PTPRD: variants seen among roughly 807,000 people sequenced by gnomAD.
PTPRD encodes receptor-type tyrosine-protein phosphatase delta.
In PTPRD, 34 loss-of-function variants were observed where a neutral mutation model predicts 214.5. The ratio of observed to expected loss-of-function variants is 0.16; its 90% CI spans 0.12 to 0.21. The LOEUF is 0.21. Ranked by LOEUF, PTPRD falls within the 10% of genes least tolerant of loss-of-function variation. The pLI, the probability that PTPRD is intolerant of heterozygous loss-of-function variation, is 1.00. For synonymous variants in PTPRD, 1,128 were observed against 845.7 expected, an observed-to-expected ratio of 1.33 and a Z score of -5.79; for missense variants, 2,545 against 2,398.7, an observed-to-expected ratio of 1.06 and a Z score of -1.27.
chr9:10,229,974 T>C (rs2099603161), intron 3 of PTPRD, among the ~76,000 whole-genome samples: 2 of 152,052 alleles, frequency 1.3e-5, no homozygotes, highest in African/African-American at 2.4e-5. Context: ...CACTCGTATA[T>C]ATTTTGGGAT....
At chr9:8,420,258 A>G (rs565444460) in intron 35 of PTPRD, among the ~76,000 whole-genome samples, 5 of 152,212 alleles carry the variant, frequency 3.3e-5, no homozygotes, top group African/African-American at 9.6e-5. Context: ...TACCTGGCAC[A>G]TTGTAAGAGC....
At chr9:9,773,109 G>C (rs181415003) in intron 5 of PTPRD, among the ~76,000 whole-genome samples, 17 of 152,182 alleles carry the variant, frequency 1.1e-4, no homozygotes, top group Admixed American at 1.0e-3. Context: ...GAATTTTATG[G>C]TTTTAGATGA....
At chr9:10,356,321 T>C (rs1195447004) in intron 2 of PTPRD, among the ~76,000 whole-genome samples, 2 of 152,288 alleles carry the variant, frequency 1.3e-5, no homozygotes, top group East Asian at 3.9e-4. Flanking sequence ...GTCAATCTGA[T>C]GACTTTACCA....
chr9:8,551,675 GT>G (rs2082149574), intron 14 of PTPRD, among the ~76,000 whole-genome samples: 1 of 152,148 alleles, frequency 6.6e-6, no homozygotes, highest in Non-Finnish European at 1.5e-5. Context: ...CCATTAATTA[GT>G]TTTAACTGGA....
chr9:9,528,016 C>G (rs2074540931), intron 8 of PTPRD, among the ~76,000 whole-genome samples: 1 of 152,108 alleles, frequency 6.6e-6, no homozygotes, highest in South Asian at 2.1e-4. Flanking sequence ...TCAATTATAC[C>G]AAATAATTGC....
At chr9:9,756,096 T>C (rs1404307880) in intron 6 of PTPRD, among the ~76,000 whole-genome samples, 5 of 152,052 alleles carry the variant, frequency 3.3e-5, no homozygotes, top group Non-Finnish European at 5.9e-5. Flanking sequence ...ATTGAGGATA[T>C]CTGGAAAACT....
At chr9:8,357,661 C>A (rs185917300) in intron 39 of PTPRD, among the ~76,000 whole-genome samples, 1 of 152,228 alleles carries the variant, frequency 6.6e-6, no homozygotes, top group Admixed American at 6.5e-5. Context: ...ATACTAGGGA[C>A]GCTATATGGT....
chr9:8,735,753 C>T (rs948316351), intron 11 of PTPRD, among the ~76,000 whole-genome samples: 3 of 151,550 alleles, frequency 2.0e-5, no homozygotes, highest in African/African-American at 7.3e-5. Flanking sequence ...CTACTAAAAA[C>T]ACAAAAAAAT....
At chr9:8,532,664 T>A (rs983045935) in intron 14 of PTPRD, among the ~76,000 whole-genome samples, 24 of 152,082 alleles carry the variant, frequency 1.6e-4, no homozygotes, top group African/African-American at 5.6e-4. Flanking sequence ...TCATGCAGAA[T>A]TAGCTACTAA....
intron 11 of PTPRD, among the ~76,000 whole-genome samples, chr9:8,799,587 C>G (rs1270171258): frequency 1.3e-5 from 2 of 152,176 alleles, no homozygotes; most frequent in African/African-American, 4.8e-5. Flanking sequence ...GTTGTTATTT[C>G]TTTCCAGAAA....
rs540532737 is a variant in PTPRD, at chr9:9,570,355, T to C, written c.-237+4377A>G. ...TCCTTCATGCAGGATGTTACTTGTA[T>C]GTCGTTTAACTTCATTTTTCCCCAA... On this transcript the variant is annotated intron_variant, in intron 8 of 45. Transcript: ENST00000381196. Among the ~76,000 whole-genome samples, 302 of 151,670 alleles carry C rather than the reference T, an allele frequency of 2.0e-3. 1 individual carries two copies. Among genetic ancestry groups the C allele is most frequent in the African/African-American group, 6.5e-3 (270 of 41,502 alleles).
At chr9:9,896,790 T>G (rs1566091940) in intron 5 of PTPRD, among the ~76,000 whole-genome samples, 1 of 152,030 alleles carries the variant, frequency 6.6e-6, no homozygotes. Context: ...AATATAAATA[T>G]AATGTAAAAA....
At chr9:9,014,230 G>A (rs114248204) in intron 11 of PTPRD, among the ~76,000 whole-genome samples, 1 of 111,614 alleles carries the variant, frequency 9.0e-6, no homozygotes, top group Admixed American at 9.4e-5. Flanking sequence ...GCATTTATTT[G>A]AGTTTCATGA....
At chr9:9,092,722 TTAA>T (rs1248340601) in intron 10 of PTPRD, among the ~76,000 whole-genome samples, 2 of 152,064 alleles carry the variant, frequency 1.3e-5, no homozygotes, top group Non-Finnish European at 2.9e-5. Context: ...ATATACAAAC[TTAA>T]TAAACATCTA....
chr9:9,482,826 G>C (rs929286081), intron 8 of PTPRD, among the ~76,000 whole-genome samples: 1 of 152,044 alleles, frequency 6.6e-6, no homozygotes, highest in Non-Finnish European at 1.5e-5. Flanking sequence ...TTTTACTGAA[G>C]GATTTAAATA....
chr9:9,899,852 C>G (rs892468560), intron 5 of PTPRD, among the ~76,000 whole-genome samples: 3 of 151,950 alleles, frequency 2.0e-5, no homozygotes, highest in African/African-American at 4.8e-5. Flanking sequence ...GCAGATGGAA[C>G]ACTAGTCTTA....
chr9:8,786,033 T>TTC (rs148848994), intron 11 of PTPRD, among the ~76,000 whole-genome samples: 41,700 of 143,178 alleles, frequency 0.29, 6,756 homozygotes, highest in Middle Eastern at 0.49. Flanking sequence ...GCTTAATTTG[T>TTC]TGTGTGTGTG....
intron 10 of PTPRD, among the ~76,000 whole-genome samples, chr9:9,107,144 T>C (rs540045537): frequency 6.6e-6 from 1 of 152,260 alleles, no homozygotes; most frequent in South Asian, 2.1e-4. Flanking sequence ...AATGGAAGTA[T>C]TGTAGGAATA....
At chr9:8,554,938 T>C (rs10217447) in intron 14 of PTPRD, among the ~76,000 whole-genome samples, 50,194 of 151,984 alleles carry the variant, frequency 0.33, 14,024 homozygotes, top group African/African-American at 0.77. Flanking sequence ...CTCTTTGTAC[T>C]TATGAGTATA....
Sources: gnomAD v4.1 joint callset for allele counts (sites outside exome capture counted in the v4.1 genomes callset) on GRCh38, gnomAD v4.1.1 for gene constraint, MANE v1.5 for transcripts, NCBI Gene and HGNC (gene_info 2026-07-23, HGNC 2026-07-21) for gene names.